The following ZBTB44 variants were observed in gnomAD, a reference collection of about 807,000 sequenced individuals.
ZBTB44 encodes zinc finger and BTB domain containing 44.
ZBTB44 carries 15 observed loss-of-function variants against 54.0 expected under a neutral mutation model. The ratio of observed to expected loss-of-function variants is 0.28; its 90% CI spans 0.19 to 0.43. ZBTB44 has a LOEUF of 0.43. Among genes scored for constraint, ZBTB44 ranks in the 20% least tolerant of loss-of-function variants. The pLI, the probability that ZBTB44 is intolerant of heterozygous loss-of-function variation, is 1.00. For synonymous variants in ZBTB44, 230 were observed against 250.1 expected (o/e 0.92, Z 0.76); for missense variants, 487 against 707.1 (o/e 0.69, Z 3.53).
chr11:130,300,696 T>A (rs2134447247), intron 1 of ZBTB44, among the ~76,000 whole-genome samples: 1 of 152,220 alleles, frequency 6.6e-6, no homozygotes, highest in African/African-American at 2.4e-5. Flanking sequence ...ACTGGTCAAA[T>A]AAGATAGAAA....
In ZBTB44 at chr11:130,229,828, C is replaced by A. The variant is rs1354044723; in HGVS notation, c.*1936G>T. The A allele has an allele frequency of 6.6e-6, 1 of 152,054 alleles. No individual in the cohort carries two copies. Among genetic ancestry groups the A allele is most frequent in the African/African-American group, 2.4e-5 (1 of 41,430 alleles). The allele number at this position is 152,054 out of a possible 1,614,324, so 9.4% of individuals were successfully genotyped here. On this transcript the variant is annotated 3_prime_UTR_variant, in exon 8 of 8. Transcript: ENST00000357899. ...CAGTGAAAACTACATTTATTTATTA[C>A]CTTCTGGCAACTTTGGGTCTGTTTC...
intron 2 of ZBTB44, among the ~76,000 whole-genome samples, chr11:130,243,866 C>T (rs1057461740): frequency 6.6e-6 from 1 of 151,932 alleles, no homozygotes; most frequent in Non-Finnish European, 1.5e-5. Flanking sequence ...AAATTATTAC[C>T]AATCAGGAAC....
chr11:130,296,601 G>T, intron 1 of ZBTB44: 2 of 885,688 alleles, frequency 2.3e-6, no homozygotes, highest in Non-Finnish European at 1.9e-6. Context: ...ACAGCCAGAG[G>T]CCTAAATGGG....
At position 130,261,239 on chromosome 11, in the gene ZBTB44, G is replaced by A; in HGVS notation, c.635C>T (p.Ala212Val). 6.2e-7 allele frequency: 1 copy of A among 1,613,962 alleles called. No individual in the cohort carries two copies. Among genetic ancestry groups the A allele is most frequent in the Non-Finnish European group, 8.5e-7 (1 of 1,179,898 alleles). ...TTGGTTTCTATTTTCTGAGTAGGAA[G>A]CTGAAGAATTCAATACCTGGGGTGA... ...TSSPQVLNSS[A>V]SYSENRNQPV... is the part of the protein sequence containing the mutation. Residue 212 changes from alanine (A) to valine (V), a missense_variant, in exon 2 of 8, where the codon GCT becomes GTT. Physicochemically the swap from Ala to Val is moderately conservative, Grantham distance 64. Transcript: ENST00000357899. The surrounding 1 kb of genome is among the most constrained non-coding windows in gnomAD (Gnocchi z 4.8).
At chr11:130,300,121 A>G (rs1941910771) in intron 1 of ZBTB44, among the ~76,000 whole-genome samples, 1 of 152,218 alleles carries the variant, frequency 6.6e-6, no homozygotes, top group South Asian at 2.1e-4. Flanking sequence ...AAATTCAGAG[A>G]CAGAAAAGTA....
chr11:130,256,581 C>T (rs1047264491), intron 2 of ZBTB44, among the ~76,000 whole-genome samples: 3 of 151,934 alleles, frequency 2.0e-5, no homozygotes, highest in Non-Finnish European at 2.9e-5. Flanking sequence ...GAGGCTGAGG[C>T]AGAAGAATTG....
intron 1 of ZBTB44, among the ~76,000 whole-genome samples, chr11:130,309,281 A>G (rs1942450329): frequency 6.6e-6 from 1 of 152,096 alleles, no homozygotes; most frequent in South Asian, 2.1e-4. Context: ...TAATTCCTTT[A>G]CCACCTGCAA....
intron 1 of ZBTB44, among the ~76,000 whole-genome samples, chr11:130,277,247 G>A (rs1056164820): frequency 6.6e-6 from 1 of 152,082 alleles, no homozygotes; most frequent in Non-Finnish European, 1.5e-5. Context: ...GCATCTGCAG[G>A]TTTAAAATGA....
chr11:130,303,461 C>A (rs1432456547), intron 1 of ZBTB44, among the ~76,000 whole-genome samples: 1 of 152,142 alleles, frequency 6.6e-6, no homozygotes, highest in Non-Finnish European at 1.5e-5. Context: ...CATGGAGAAA[C>A]CCTGTCTCTA....
intron 1 of ZBTB44, among the ~76,000 whole-genome samples, chr11:130,264,104 C>T (rs924438349): frequency 1.1e-4 from 16 of 152,190 alleles, no homozygotes; most frequent in African/African-American, 3.9e-4. Flanking sequence ...ATTAAACAAA[C>T]CCTCTGTATC....
chr11:130,271,073 AC>A (rs1374867092), intron 1 of ZBTB44, among the ~76,000 whole-genome samples: 7 of 152,166 alleles, frequency 4.6e-5, no homozygotes, highest in Non-Finnish European at 8.8e-5. Context: ...ATTTCTCTCG[AC>A]CCTGTCCAGT....
chr11:130,249,200 C>G (rs1476127369), intron 2 of ZBTB44, among the ~76,000 whole-genome samples: 2 of 152,106 alleles, frequency 1.3e-5, no homozygotes, highest in Non-Finnish European at 2.9e-5. Flanking sequence ...AACTCAATAT[C>G]TTAGATATTT....
intron 2 of ZBTB44, among the ~76,000 whole-genome samples, chr11:130,244,536 G>A (rs1252227254): frequency 2.6e-5 from 4 of 151,738 alleles, no homozygotes; most frequent in South Asian, 2.1e-4. Context: ...GCGTGGTGGC[G>A]GGTGCCTGTA....
chr11:130,282,839 C>A (rs913507041), intron 1 of ZBTB44, among the ~76,000 whole-genome samples: 9 of 152,072 alleles, frequency 5.9e-5, no homozygotes, highest in South Asian at 2.1e-4. Flanking sequence ...CCTCCCTGGG[C>A]AAGGAGATTT....
At chr11:130,250,018 T>C (rs1565651847) in intron 2 of ZBTB44, among the ~76,000 whole-genome samples, 1 of 152,200 alleles carries the variant, frequency 6.6e-6, no homozygotes, top group Non-Finnish European at 1.5e-5. Context: ...AACCACTGGC[T>C]TGAAATTCTC....
intron 1 of ZBTB44, among the ~76,000 whole-genome samples, chr11:130,313,936 G>A (rs1942773332): frequency 1.1e-5 from 1 of 91,230 alleles, no homozygotes; most frequent in Non-Finnish European, 2.2e-5. Flanking sequence ...GTGTGTGTGT[G>A]TTTGTGTGTG....
intron 1 of ZBTB44, among the ~76,000 whole-genome samples, chr11:130,288,380 A>AAAAT (rs544157240): frequency 2.0e-5 from 3 of 151,824 alleles, no homozygotes; most frequent in Non-Finnish European, 2.9e-5. Context: ...TCTCGGGAAA[A>AAAAT]AAATAAATAA....
chr11:130,276,434 T>TC (rs1226870949), intron 1 of ZBTB44, among the ~76,000 whole-genome samples: 3 of 150,802 alleles, frequency 2.0e-5, no homozygotes, highest in African/African-American at 7.4e-5. Context: ...TACGTTTCTT[T>TC]TTTTTTTCTT....
chr11:130,246,552 A>T (rs1020457655), intron 2 of ZBTB44, among the ~76,000 whole-genome samples: 5 of 152,192 alleles, frequency 3.3e-5, no homozygotes, highest in African/African-American at 1.2e-4. Context: ...GCTGTATGAT[A>T]GCTTCTGTTG....
Sources: allele counts gnomAD v4.1 joint callset (sites outside exome capture counted in the v4.1 genomes callset), GRCh38; gene constraint gnomAD v4.1.1; non-coding constraint Gnocchi (gnomAD v3.1); transcripts MANE v1.5; gene names NCBI Gene and HGNC (gene_info 2026-07-23, HGNC 2026-07-21).